The following CNGB1 variants were observed in gnomAD, a reference collection of about 807,000 sequenced individuals.
CNGB1 encodes the protein cyclic nucleotide-gated channel beta-1.
CNGB1 carries 126 observed loss-of-function variants against 151.7 expected under a neutral mutation model. That is an observed-to-expected ratio of 0.83 (90% CI 0.72 to 0.96). The LOEUF (loss-of-function observed/expected upper bound fraction) is 0.96. Among genes scored for constraint, CNGB1 ranks in the 40% least tolerant of loss-of-function variants. The probability of loss-of-function intolerance (pLI) is 0.00; values close to 1 mark genes in which losing one functional copy is unlikely to be tolerated. For missense variants in CNGB1, 1,698 were observed against 1,627.0 expected, an observed-to-expected ratio of 1.04 and a Z score of -0.75; for synonymous variants, 623 against 635.1, an observed-to-expected ratio of 0.98 and a Z score of 0.29.
At chr16:57,956,289 G>A (rs1403619088) in intron 12 of CNGB1, among the ~76,000 whole-genome samples, 1 of 152,194 alleles carries the variant, frequency 6.6e-6, no homozygotes, top group Non-Finnish European at 1.5e-5. Context: ...CAACAGCCAT[G>A]AGGGTCTCTG....
intron 32 of CNGB1, among the ~76,000 whole-genome samples, chr16:57,885,340 G>T (rs377017614): frequency 4.7e-4 from 72 of 152,214 alleles, no homozygotes; most frequent in African/African-American, 1.7e-3. Flanking sequence ...TTGAAGGAAA[G>T]GAGGAATGGA....
intron 31 of CNGB1, among the ~76,000 whole-genome samples, chr16:57,890,823 T>A (rs541667264): frequency 6.6e-6 from 1 of 152,334 alleles, no homozygotes; most frequent in South Asian, 2.1e-4. Context: ...GCAGAGCTCA[T>A]ACACAATCCC....
chr16:57,896,397 A>G (rs1960224753), intron 31 of CNGB1, among the ~76,000 whole-genome samples: 1 of 152,080 alleles, frequency 6.6e-6, no homozygotes, highest in South Asian at 2.1e-4. Flanking sequence ...ACAAACCCCA[A>G]CTGAGGGGCA....
intron 32 of CNGB1, among the ~76,000 whole-genome samples, chr16:57,885,299 G>T (rs190421229): frequency 3.3e-5 from 5 of 152,270 alleles, no homozygotes; most frequent in Admixed American, 3.3e-4. Flanking sequence ...TGTGCAGAGA[G>T]ACCTGCGCCA....
At chr16:57,971,002 G>A (rs1962528111) in intron 1 of CNGB1, 58 bp downstream of exon 1, 1 of 152,128 alleles carries the variant, frequency 6.6e-6, no homozygotes, top group African/African-American at 2.4e-5. Context: ...CCTTTCTAGA[G>A]GGAGAACATG....
At chr16:57,958,717 CCACCCGTTCTCGGAAGGGAGTG>C (rs1962155505) in intron 10 of CNGB1, among the ~76,000 whole-genome samples, 1 of 151,356 alleles carries the variant, frequency 6.6e-6, no homozygotes. Flanking sequence ...CCCCACCCTC[CCACCCGTTCTCGGAAGGGAGTG>C]CACTTTGGGC....
chr16:57,939,934 G>A (rs762020934), intron 15 of CNGB1, among the ~76,000 whole-genome samples: 11 of 152,178 alleles, frequency 7.2e-5, no homozygotes, highest in Non-Finnish European at 7.4e-5. Context: ...CAAGGGAGGC[G>A]TCTGTAGCCC....
intron 12 of CNGB1, 59 bp from the exon 13 acceptor site, chr16:57,950,599 C>T: frequency 1.3e-6 from 2 of 1,594,452 alleles, no homozygotes; most frequent in South Asian, 2.2e-5. Flanking sequence ...GCTTGGGCCT[C>T]TGAGTCCCAG....
At chr16:57,967,982 G>A (rs756860509) in intron 1 of CNGB1, among the ~76,000 whole-genome samples, 5 of 152,136 alleles carry the variant, frequency 3.3e-5, no homozygotes, top group Admixed American at 2.6e-4. Flanking sequence ...AGAGGGGCAT[G>A]TATTAAATAA....
chr16:57,890,445 T>A (rs1203671885), intron 31 of CNGB1, among the ~76,000 whole-genome samples: 1 of 152,224 alleles, frequency 6.6e-6, no homozygotes, highest in African/African-American at 2.4e-5. Flanking sequence ...AAATGAACTA[T>A]CTTTTTCTTT....
At chr16:57,925,899 G>T (rs1004664206) in intron 17 of CNGB1, among the ~76,000 whole-genome samples, 11 of 152,050 alleles carry the variant, frequency 7.2e-5, no homozygotes, top group Non-Finnish European at 1.6e-4. Flanking sequence ...TATTGGCCAG[G>T]CTGGTCTCGA....
At chr16:57,918,244 G>A (rs1282142234) in intron 20 of CNGB1, among the ~76,000 whole-genome samples, 1 of 151,868 alleles carries the variant, frequency 6.6e-6, no homozygotes, top group African/African-American at 2.4e-5. Flanking sequence ...CACAGTGCTG[G>A]GATTACAGGT....
At chr16:57,968,605 C>T (rs893419166) in intron 1 of CNGB1, among the ~76,000 whole-genome samples, 147 of 116,764 alleles carry the variant, frequency 1.3e-3, no homozygotes, top group Non-Finnish European at 2.5e-3. Context: ...CAAATGAAAA[C>T]ACTAATTGTG....
At chr16:57,920,239 G>A (rs1229059622) in intron 19 of CNGB1, 148 bp downstream of exon 19, 1 of 867,546 alleles carries the variant, frequency 1.2e-6, no homozygotes, top group African/African-American at 1.7e-5. Context: ...CTGTACATAT[G>A]GATCCCAAAT....
In CNGB1 at chr16:57,901,397, C is replaced by G. The variant is rs755445621; in HGVS notation, c.2931G>C (p.Arg977Ser). The change falls in exon 29 of 33, where the codon AGG (arginine) becomes AGC (serine). Residue 977 changes from arginine (R) to serine (S), a missense_variant. Physicochemically the swap from Arg to Ser is moderately radical, Grantham distance 110 (BLOSUM62 -1). Coordinates refer to ENST00000251102, the MANE Select transcript of CNGB1 (RefSeq NM_001297.5). Reference sequence around the variant, plus strand: ...TGGGCAGGTAGACAACAGAGCGAAGCCTCTTCAGCATGTCAAAGATCATCT... The same window carrying G: ...TGGGCAGGTAGACAACAGAGCGAAGGCTCTTCAGCATGTCAAAGATCATCT... The part of the protein sequence containing the change: ...DRQMIFDMLK[R>S]LRSVVYLPND... The G allele has an allele frequency of 1.2e-6, 2 of 1,614,070 alleles. No individual in the cohort carries two copies. Among genetic ancestry groups the G allele is most frequent in the African/African-American group, 1.3e-5 (1 of 74,914 alleles).
At chr16:57,955,235 G>A in intron 12 of CNGB1, 1 of 1,542,354 alleles carries the variant, frequency 6.5e-7, no homozygotes. Context: ...CAAATAGGGT[G>A]GGGTGTCAGT....
chr16:57,906,164 G>A (rs1206290087), intron 25 of CNGB1, among the ~76,000 whole-genome samples: 2 of 152,154 alleles, frequency 1.3e-5, no homozygotes, highest in Non-Finnish European at 2.9e-5. Context: ...TCAGCCATTC[G>A]GCTCAGCCAC....
intron 14 of CNGB1, among the ~76,000 whole-genome samples, chr16:57,943,403 G>A (rs1402425259): frequency 1.3e-5 from 2 of 152,160 alleles, no homozygotes; most frequent in East Asian, 3.9e-4. Context: ...CGGGTGCAGT[G>A]GCTCACACCT....
chr16:57,950,318 A>ACTGCATG (rs1961915419), intron 13 of CNGB1, 63 bp downstream of exon 13: 9 of 1,574,676 alleles, frequency 5.7e-6, no homozygotes, highest in African/African-American at 1.3e-5. Flanking sequence ...GAGATAAGGT[A>ACTGCATG]CTGCATGCTT....
Sources: gnomAD v4.1 joint callset for allele counts (sites outside exome capture counted in the v4.1 genomes callset) on GRCh38, gnomAD v4.1.1 for gene constraint, MANE v1.5 for transcripts, NCBI Gene and HGNC (gene_info 2026-07-23, HGNC 2026-07-21) for gene names.